Variants in UBE2W observed in about 807,000 individuals in gnomAD.
UBE2W encodes the protein ubiquitin-conjugating enzyme E2 W.
A neutral mutation model predicts 27.2 loss-of-function variants in UBE2W; 18 were observed. That is an observed-to-expected ratio of 0.66 (90% confidence interval 0.46 to 0.98). The LOEUF (loss-of-function observed/expected upper bound fraction) is 0.98, where lower values mean the gene tolerates loss of function less well. Ranked by LOEUF, UBE2W falls within the 50% of genes least tolerant of loss-of-function variation. The pLI is 0.00. For synonymous variants in UBE2W, 53 were observed against 57.2 expected (o/e 0.93, Z 0.33); for missense variants, 90 against 180.2 (o/e 0.50, Z 2.87).
At chr8:73,878,510 G>A (rs190557752) in intron 1 of UBE2W, among the ~76,000 whole-genome samples, 3 of 152,312 alleles carry the variant, frequency 2.0e-5, no homozygotes, top group African/African-American at 4.8e-5. Flanking sequence ...TGTGTGTGCG[G>A]GGAGCCGATT....
intron 1 of UBE2W, among the ~76,000 whole-genome samples, chr8:73,859,844 G>C (rs1300182014): frequency 6.6e-6 from 1 of 152,064 alleles, no homozygotes; most frequent in African/African-American, 2.4e-5. Flanking sequence ...CAGATGTTCT[G>C]TCCTCTGCAA....
intron 3 of UBE2W, among the ~76,000 whole-genome samples, chr8:73,811,797 A>G (rs1408932234): frequency 6.6e-6 from 1 of 152,166 alleles, no homozygotes; most frequent in Non-Finnish European, 1.5e-5. Context: ...AAGTTATAGC[A>G]GAAACTGATA....
intron 1 of UBE2W, among the ~76,000 whole-genome samples, chr8:73,844,559 C>T (rs1027245280): frequency 6.6e-6 from 1 of 152,124 alleles, no homozygotes; most frequent in Non-Finnish European, 1.5e-5. Context: ...AGCCTCTGCC[C>T]GGCCGCCACC....
chr8:73,872,682 T>C (rs748806944), intron 1 of UBE2W, among the ~76,000 whole-genome samples: 32 of 152,172 alleles, frequency 2.1e-4, no homozygotes, highest in African/African-American at 6.3e-4. Context: ...AGAGAAATCA[T>C]TGGTGTAATT....
intron 1 of UBE2W, among the ~76,000 whole-genome samples, chr8:73,832,126 AAAAT>A (rs1462035767): frequency 7.4e-6 from 1 of 134,830 alleles, no homozygotes; most frequent in Non-Finnish European, 1.5e-5. Context: ...ACAAACAAAA[AAAAT>A]AAATAAATAT....
chr8:73,852,614 T>C (rs1811126152), intron 1 of UBE2W, among the ~76,000 whole-genome samples: 1 of 152,176 alleles, frequency 6.6e-6, no homozygotes, highest in Admixed American at 6.5e-5. Context: ...AAAAATACAA[T>C]TCAAATTTTT....
At chr8:73,829,381 T>C (rs1411465232) in intron 2 of UBE2W, among the ~76,000 whole-genome samples, 2 of 152,138 alleles carry the variant, frequency 1.3e-5, no homozygotes, top group African/African-American at 2.4e-5. Context: ...GGATATAATC[T>C]GCATCAGGAT....
chr8:73,787,906 A>C lies in UBE2W; in HGVS notation c.*6196T>G. On this transcript the variant is annotated 3_prime_UTR_variant, in exon 6 of 6. Transcript: ENST00000602593. ...TTAGTTGGGACTTATTAAAACACTA[A>C]AACTAGCTACATATTACATAAAGGT... is the stretch of plus-strand genomic sequence containing the variant. 1 of 985,408 alleles carries C rather than the reference A, an allele frequency of 1.0e-6. No individual in the cohort carries two copies. Among genetic ancestry groups the C allele is most frequent in the South Asian group, 4.7e-5 (1 of 21,286 alleles). The allele number at this position is 985,408 out of a possible 1,614,324, so 61.0% of individuals were successfully genotyped here. A position where few individuals can be genotyped will look rare whatever the true frequency, so the allele number is the denominator to read the frequency against.
chr8:73,843,945 C>A (rs559415490), intron 1 of UBE2W, among the ~76,000 whole-genome samples: 1 of 151,938 alleles, frequency 6.6e-6, no homozygotes, highest in African/African-American at 2.4e-5. Context: ...GTCAAGACTG[C>A]GCAACTGCAC....
At chr8:73,806,237 T>C (rs1010584994) in intron 4 of UBE2W, among the ~76,000 whole-genome samples, 1 of 152,090 alleles carries the variant, frequency 6.6e-6, no homozygotes, top group Non-Finnish European at 1.5e-5. Context: ...CATAATAATT[T>C]AAACATAGCC....
At position 73,811,718 on chromosome 8, in the gene UBE2W, G is replaced by A. The variant is rs536717185; in HGVS notation, c.211-1089C>T. ...CAACAATTCCTAAATCAGATTTACA[G>A]TATCTCAGCCCTGCAAACTGCCTCA... On this transcript the variant is annotated intron_variant, in intron 3 of 5. Coordinates refer to ENST00000602593, the MANE Select transcript of UBE2W (RefSeq NM_018299.6). 5.5e-4 allele frequency among the ~76,000 whole-genome samples: 84 copies of A among 152,154 alleles called. No individual in the cohort carries two copies. In the South Asian group the frequency reaches 7.9e-3, roughly 14 times the overall value.
chr8:73,796,214 G>A (rs975048344), intron 5 of UBE2W, among the ~76,000 whole-genome samples: 2 of 152,008 alleles, frequency 1.3e-5, no homozygotes, highest in Non-Finnish European at 2.9e-5. Flanking sequence ...AGTAACAATA[G>A]GGTTGGTCGC....
chr8:73,837,924 G>C (rs1810373948), intron 1 of UBE2W, among the ~76,000 whole-genome samples: 1 of 151,854 alleles, frequency 6.6e-6, no homozygotes, highest in South Asian at 2.1e-4. Context: ...TTCCAGAAGA[G>C]GCTGTTTCCT....
intron 1 of UBE2W, chr8:73,831,200 G>A: frequency 2.3e-6 from 1 of 439,748 alleles, no homozygotes; most frequent in Non-Finnish European, 4.2e-6. Flanking sequence ...TGGCTTTCCT[G>A]GAGAATCTGC....
chr8:73,819,860 G>A lies in UBE2W; in HGVS notation c.210+5287C>T, dbSNP rs1435969905. 1.2e-4 allele frequency among the ~76,000 whole-genome samples: 19 copies of A among 152,230 alleles called. No individual in the cohort carries two copies. In the South Asian group the frequency reaches 3.7e-3, roughly 30 times the overall value. ...GACAGTCTTACTGATCTCATTTACA[G>A]GTACAAAAGCAGTAATTTCACAATG... On this transcript the variant is annotated intron_variant, in intron 3 of 5. Transcript: ENST00000602593.
chr8:73,822,625 A>T (rs867568576), intron 3 of UBE2W, among the ~76,000 whole-genome samples: 6 of 147,654 alleles, frequency 4.1e-5, no homozygotes, highest in African/African-American at 7.6e-5. Flanking sequence ...AAAAAAAAAA[A>T]AAAAAAAAAT....
At chr8:73,805,399 G>A (rs1808830403) in intron 5 of UBE2W, among the ~76,000 whole-genome samples, 1 of 122,680 alleles carries the variant, frequency 8.2e-6, no homozygotes, top group East Asian at 2.7e-4. Flanking sequence ...GTTGTGGTGA[G>A]CCAAGAATAA....
intron 1 of UBE2W, among the ~76,000 whole-genome samples, chr8:73,844,649 T>C (rs1342789284): frequency 6.9e-6 from 1 of 143,940 alleles, no homozygotes; most frequent in East Asian, 2.2e-4. Flanking sequence ...GGCCGCCCAG[T>C]CTGGGAAGTC....
In UBE2W at chr8:73,789,962, G is replaced by A. The variant is rs1056621702; in HGVS notation, c.*4140C>T. On this transcript the variant is annotated 3_prime_UTR_variant, in exon 6 of 6. Transcript: ENST00000602593. ...TTTGGCTTTGGGAGAGTCCTCATCC[G>A]AAAATAACAAAATTTCCTTAATATT... 23 of 984,216 alleles carry A rather than the reference G, an allele frequency of 2.3e-5. No individual in the cohort carries two copies. Among genetic ancestry groups the A allele is most frequent in the Middle Eastern group, 5.2e-4 (1 of 1,934 alleles). 61.0% of individuals were successfully genotyped at this position (984,216 alleles called of 1,614,324 possible). A position where few individuals can be genotyped will look rare whatever the true frequency, so the allele number is the denominator to read the frequency against.
Sources: allele counts gnomAD v4.1 joint callset (sites outside exome capture counted in the v4.1 genomes callset), GRCh38; gene constraint gnomAD v4.1.1; transcripts MANE v1.5; gene names NCBI Gene and HGNC (gene_info 2026-07-23, HGNC 2026-07-21).